Variants in GPC5 observed in about 807,000 individuals in gnomAD.
The protein encoded by GPC5 is glypican 5.
Under a neutral mutation model 53.9 loss-of-function variants are expected in GPC5, and 47 were observed. That is an observed-to-expected ratio of 0.87 (90% CI 0.69 to 1.11). The LOEUF (loss-of-function observed/expected upper bound fraction) is 1.11. GPC5 is among the 50% of genes most tolerant of loss of function. The pLI, the probability that GPC5 is intolerant of heterozygous loss-of-function variation, is 0.00. For missense variants in GPC5, 748 were observed against 713.1 expected (o/e 1.05, Z -0.56); for synonymous variants, 286 against 263.3 (o/e 1.09, Z -0.84).
At chr13:92,354,168 G>A (rs971493819) in intron 7 of GPC5, among the ~76,000 whole-genome samples, 1 of 152,138 alleles carries the variant, frequency 6.6e-6, no homozygotes, top group Non-Finnish European at 1.5e-5. Flanking sequence ...GAACTTGTAG[G>A]CTGTAAAGCT....
At chr13:92,860,176 T>C (rs1454549348) in intron 7 of GPC5, among the ~76,000 whole-genome samples, 3 of 152,194 alleles carry the variant, frequency 2.0e-5, no homozygotes, top group Non-Finnish European at 4.4e-5. Flanking sequence ...CCATTATTTT[T>C]ACATAATTTA....
At chr13:92,209,973 G>T (rs1383439181) in intron 7 of GPC5, among the ~76,000 whole-genome samples, 1 of 152,112 alleles carries the variant, frequency 6.6e-6, no homozygotes, top group Non-Finnish European at 1.5e-5. Context: ...GACAAGTGTA[G>T]GCTGGGAGGC....
chr13:92,417,492 A>G (rs1174010143), intron 7 of GPC5, among the ~76,000 whole-genome samples: 1 of 152,216 alleles, frequency 6.6e-6, no homozygotes, highest in Non-Finnish European at 1.5e-5. Flanking sequence ...TCCTAGGTAT[A>G]TATGCCTCAA....
intron 1 of GPC5, among the ~76,000 whole-genome samples, chr13:91,415,124 G>A (rs1209312709): frequency 6.6e-6 from 1 of 152,096 alleles, no homozygotes; most frequent in Non-Finnish European, 1.5e-5. Context: ...GTTTTGACTG[G>A]GCATGCTAAC....
At chr13:92,842,578 C>T (rs778068115) in intron 7 of GPC5, among the ~76,000 whole-genome samples, 1 of 151,472 alleles carries the variant, frequency 6.6e-6, no homozygotes, top group Non-Finnish European at 1.5e-5. Context: ...AGTCATAGCA[C>T]ACCCCAGAAA....
Position 92,784,472 on chromosome 13 carries a change from T to A in GPC5, c.1562-81810T>A, listed in dbSNP as rs191259988. On this transcript the variant is annotated intron_variant, in intron 7 of 7. Coordinates refer to ENST00000377067, the MANE Select transcript of GPC5 (RefSeq NM_004466.6). ...GCAAAAAGATGTACTTTACTCACAG[T>A]CTCCCTTTTTTTTTTTACAGATGTA... is the stretch of plus-strand genomic sequence containing the variant. 3.2e-3 allele frequency among the ~76,000 whole-genome samples: 481 copies of A among 152,010 alleles called. 2 individuals are homozygous for A. Among genetic ancestry groups the A allele is most frequent in the Middle Eastern group, 6.8e-3 (2 of 292 alleles).
chr13:92,232,097 A>T (rs1357495261), intron 7 of GPC5, among the ~76,000 whole-genome samples: 1 of 152,208 alleles, frequency 6.6e-6, no homozygotes, highest in Non-Finnish European at 1.5e-5. Flanking sequence ...TTCTGATAGA[A>T]TCTGATGTGG....
intron 6 of GPC5, among the ~76,000 whole-genome samples, chr13:92,028,910 T>A (rs902732799): frequency 7.9e-5 from 12 of 152,164 alleles, no homozygotes; most frequent in Non-Finnish European, 4.4e-5. Context: ...TATTCCAGGA[T>A]GTTGGTGGCA....
chr13:91,563,311 T>C (rs1411484020), intron 2 of GPC5, among the ~76,000 whole-genome samples: 1 of 152,162 alleles, frequency 6.6e-6, no homozygotes, highest in Non-Finnish European at 1.5e-5. Flanking sequence ...TGCTAATTAA[T>C]GTTCAAACAT....
At chr13:92,239,636 G>A (rs1457199945) in intron 7 of GPC5, among the ~76,000 whole-genome samples, 1 of 151,828 alleles carries the variant, frequency 6.6e-6, no homozygotes, top group African/African-American at 2.4e-5. Context: ...ATCCAATCAA[G>A]TGAAAACAAC....
At chr13:92,568,188 T>C (rs1319189627) in intron 7 of GPC5, among the ~76,000 whole-genome samples, 3 of 152,082 alleles carry the variant, frequency 2.0e-5, no homozygotes, top group Non-Finnish European at 4.4e-5. Context: ...TTCAACTTAC[T>C]ACTATTATTT....
intron 7 of GPC5, among the ~76,000 whole-genome samples, chr13:92,830,963 G>C (rs953692362): frequency 6.6e-6 from 1 of 152,116 alleles, no homozygotes; most frequent in Non-Finnish European, 1.5e-5. Flanking sequence ...GTACTTGGCT[G>C]TTTCAAAGTA....
intron 7 of GPC5, among the ~76,000 whole-genome samples, chr13:92,631,422 C>T (rs537793183): frequency 6.6e-6 from 1 of 152,068 alleles, no homozygotes; most frequent in South Asian, 2.1e-4. Context: ...GGTTAACATG[C>T]TAGCTATGTA....
At chr13:91,780,721 A>C (rs2037784896) in intron 5 of GPC5, among the ~76,000 whole-genome samples, 1 of 152,204 alleles carries the variant, frequency 6.6e-6, no homozygotes, top group African/African-American at 2.4e-5. Context: ...CTTTTGTAGT[A>C]AAATTTTTAT....
chr13:91,632,393 A>G (rs930117782), intron 2 of GPC5, among the ~76,000 whole-genome samples: 1 of 152,112 alleles, frequency 6.6e-6, no homozygotes, highest in African/African-American at 2.4e-5. Flanking sequence ...GATCCAGGTA[A>G]CAGTGATAGT....
At chr13:92,107,417 A>G (rs1458666820) in intron 6 of GPC5, among the ~76,000 whole-genome samples, 2 of 152,188 alleles carry the variant, frequency 1.3e-5, no homozygotes, top group East Asian at 1.9e-4. Flanking sequence ...ATTAAGGAAC[A>G]TCGACTTTTC....
In GPC5 at chr13:92,024,223, C is replaced by T. The variant is rs116916983; in HGVS notation, c.1401+116166C>T. Among the ~76,000 whole-genome samples, 49 of 152,158 alleles carry T rather than the reference C, an allele frequency of 3.2e-4. 1 individual carries two copies. The East Asian group carries it at 8.5e-3, about 26-fold the overall frequency. On this transcript the variant is annotated intron_variant, in intron 6 of 7. Coordinates refer to ENST00000377067, the MANE Select transcript of GPC5 (RefSeq NM_004466.6). ...TCCATCCATTTTCACTCATATTACC[C>T]CCTAGACATATTGTAGGAAACTTTT... is the stretch of plus-strand genomic sequence containing the variant.
intron 6 of GPC5, among the ~76,000 whole-genome samples, chr13:91,964,346 C>A (rs758460132): frequency 2.0e-5 from 3 of 152,162 alleles, no homozygotes; most frequent in Non-Finnish European, 4.4e-5. Flanking sequence ...TTATTTGGTC[C>A]CACCCACATC....
At chr13:91,505,614 T>C (rs1293811521) in intron 2 of GPC5, among the ~76,000 whole-genome samples, 1 of 152,226 alleles carries the variant, frequency 6.6e-6, no homozygotes. Context: ...TCAACTCTCC[T>C]CTAAGGCAGT....
Sources: gnomAD v4.1 joint callset for allele counts (sites outside exome capture counted in the v4.1 genomes callset) on GRCh38, gnomAD v4.1.1 for gene constraint, MANE v1.5 for transcripts, NCBI Gene and HGNC (gene_info 2026-07-23, HGNC 2026-07-21) for gene names.